TECTB: variants seen among roughly 807,000 people sequenced by gnomAD.
The protein encoded by TECTB is tectorin beta.
TECTB carries 45 observed loss-of-function variants against 43.3 expected under a neutral mutation model. The ratio of observed to expected loss-of-function variants is 1.04; its 90% confidence interval spans 0.82 to 1.33. TECTB has a LOEUF of 1.33. Ranked by LOEUF, TECTB falls within the 40% of genes most tolerant of loss-of-function variation. The pLI is 0.00. For synonymous variants in TECTB, 169 were observed against 156.7 expected (o/e 1.08, Z -0.59); for missense variants, 399 against 404.7 (o/e 0.99, Z 0.12).
intron 7 of TECTB, among the ~76,000 whole-genome samples, chr10:112,296,708 T>C (rs1482412556): frequency 6.6e-6 from 1 of 152,048 alleles, no homozygotes; most frequent in Non-Finnish European, 1.5e-5. Flanking sequence ...ACTCCCTCAC[T>C]CTCACACTTG....
At position 112,300,260 on chromosome 10, in the gene TECTB, A is replaced by G. The variant is rs1325226999; in HGVS notation, c.907+696A>G. ...AAAGAAAGAAAGAAAGAAAGAAAGA[A>G]AGAAAGAAAGAAAGAAAGAAAAGAA... On this transcript the variant is annotated intron_variant, in intron 9 of 10. Coordinates refer to ENST00000646139, the MANE Select transcript of TECTB (RefSeq NM_058222.3). Among the ~76,000 whole-genome samples the G allele has an allele frequency of 3.9e-3, 144 of 36,986 alleles. 10 individuals carry two copies. The South Asian group carries it at 0.12, about 31-fold the overall frequency. 24.3% of individuals were successfully genotyped at this position (36,986 alleles called of 152,430 possible).
chr10:112,299,424 T>C (rs1848576562), intron 8 of TECTB, 68 bp from the exon 9 acceptor site: 7 of 1,457,162 alleles, frequency 4.8e-6, no homozygotes, highest in Middle Eastern at 1.7e-4. Context: ...CTTTCTCTTT[T>C]CTCCCCTTTG....
chr10:112,302,362 A>C (rs1848619597), intron 10 of TECTB: 1 of 466,286 alleles, frequency 2.1e-6, no homozygotes, highest in Non-Finnish European at 3.7e-6. Context: ...ATGAAGCAGA[A>C]CTGGACCTCA....
In TECTB at chr10:112,303,336, C is replaced by T; in HGVS notation, c.*24C>T. ...AGGAGTTAGCCAGGCAGCTGCCGCT[C>T]CTCCACCCACAATAGTCCTCAGCGA... On this transcript the variant is annotated 3_prime_UTR_variant, in exon 11 of 11. Coordinates refer to ENST00000646139, the MANE Select transcript of TECTB (RefSeq NM_058222.3). 2 of 1,613,860 alleles carry T rather than the reference C, an allele frequency of 1.2e-6. No individual in the cohort carries two copies. Among genetic ancestry groups the T allele is most frequent in the Non-Finnish European group, 1.7e-6 (2 of 1,179,726 alleles).
chr10:112,288,516 C>T (rs112661646), intron 5 of TECTB, among the ~76,000 whole-genome samples: 1 of 152,104 alleles, frequency 6.6e-6, no homozygotes, highest in Non-Finnish European at 1.5e-5. Context: ...AGGGACTCTG[C>T]CATCCTGACA....
intron 5 of TECTB, among the ~76,000 whole-genome samples, chr10:112,287,938 A>G (rs1408740243): frequency 2.0e-5 from 3 of 152,220 alleles, no homozygotes; most frequent in African/African-American, 7.2e-5. Context: ...ACACACCACT[A>G]GTCGTTAAGT....
chr10:112,285,282 CAGAGCCTGT>C (rs2133346876), intron 3 of TECTB, among the ~76,000 whole-genome samples: 1 of 152,296 alleles, frequency 6.6e-6, no homozygotes, highest in Non-Finnish European at 1.5e-5. Context: ...TTCAGGGCCA[CAGAGCCTGT>C]AGGGATGGAA....
intron 5 of TECTB, among the ~76,000 whole-genome samples, chr10:112,291,952 C>T (rs569722451): frequency 2.6e-5 from 4 of 151,976 alleles, no homozygotes; most frequent in South Asian, 2.1e-4. Context: ...CTGGCTAACA[C>T]GGTGAAACCC....
intron 7 of TECTB, among the ~76,000 whole-genome samples, chr10:112,294,361 G>A (rs1848527279): frequency 6.6e-6 from 1 of 152,110 alleles, no homozygotes; most frequent in Non-Finnish European, 1.5e-5. Context: ...ACAAGAGAGG[G>A]TAAGGTCTCA....
chr10:112,296,850 A>T (rs1240884156), intron 7 of TECTB, among the ~76,000 whole-genome samples: 3 of 152,144 alleles, frequency 2.0e-5, no homozygotes, highest in Non-Finnish European at 4.4e-5. Context: ...CGAGTTTACC[A>T]TACAAGAAGA....
At chr10:112,287,968 G>A (rs778784646) in intron 5 of TECTB, among the ~76,000 whole-genome samples, 14 of 152,134 alleles carry the variant, frequency 9.2e-5, no homozygotes, top group East Asian at 7.7e-4. Flanking sequence ...GGGAATCCAC[G>A]TAGCCCTTGA....
chr10:112,287,076 C>G (rs978270770), intron 5 of TECTB, among the ~76,000 whole-genome samples: 1 of 152,218 alleles, frequency 6.6e-6, no homozygotes, highest in Non-Finnish European at 1.5e-5. Context: ...CTACAACCCC[C>G]TCCAGAGATT....
At chr10:112,293,629 G>A (rs1226700938) in intron 5 of TECTB, 109 bp from the exon 6 acceptor site, 1 of 915,076 alleles carries the variant, frequency 1.1e-6, no homozygotes, top group Non-Finnish European at 1.8e-6. Context: ...ACCTGCTTAT[G>A]TCTTTGGGTT....
At position 112,285,228 on chromosome 10, in the gene TECTB, A is replaced by G. The variant is rs367987437; in HGVS notation, c.267+503A>G. On this transcript the variant is annotated intron_variant, in intron 3 of 10. Coordinates refer to ENST00000646139, the MANE Select transcript of TECTB (RefSeq NM_058222.3). ...AACAGACGCCCTCTTACCAAGTATC[A>G]TATGACAGACGAGAAGTCTGAGACT... 2.6e-5 allele frequency among the ~76,000 whole-genome samples: 4 copies of G among 152,378 alleles called. No homozygotes were observed. The East Asian group carries it at 7.7e-4, about 29-fold the overall frequency.
At chr10:112,288,916 C>T (rs542804466) in intron 5 of TECTB, among the ~76,000 whole-genome samples, 4 of 152,278 alleles carry the variant, frequency 2.6e-5, no homozygotes, top group East Asian at 3.9e-4. Context: ...AGTTGGCTTA[C>T]GGAAATACCC....
At chr10:112,293,631 C>A in intron 5 of TECTB, 107 bp from the exon 6 acceptor site, 1 of 943,120 alleles carries the variant, frequency 1.1e-6, no homozygotes, top group Non-Finnish European at 1.7e-6. Context: ...CTGCTTATGT[C>A]TTTGGGTTGA....
Position 112,283,743 on chromosome 10 carries a change from G to C in TECTB, c.9G>C (p.Thr3=). 1 of 1,613,856 alleles carries C rather than the reference G, an allele frequency of 6.2e-7. No individual in the cohort carries two copies. Among genetic ancestry groups the C allele is most frequent in the Non-Finnish European group, 8.5e-7 (1 of 1,179,874 alleles). MV[T]KAFVLLAIFA... is the part of the protein sequence containing the mutation. ...CCAGGTTCTGAGAAGCAATGGTGAC[G>C]AAGGCCTTTGTCTTGTTGGCCATCT... Residue 3 remains threonine (T), a synonymous_variant, in exon 2 of 11, where the codon ACG becomes ACC. Transcript: ENST00000646139.
chr10:112,294,688 C>T (rs77712124), intron 7 of TECTB, among the ~76,000 whole-genome samples: 3,387 of 152,116 alleles, frequency 0.022, 126 homozygotes, highest in African/African-American at 0.079. Context: ...GGTTTAGAAA[C>T]GTGCATGGAA....
chr10:112,288,094 C>G (rs1050596485), intron 5 of TECTB, among the ~76,000 whole-genome samples: 1 of 152,182 alleles, frequency 6.6e-6, no homozygotes, highest in Admixed American at 6.5e-5. Context: ...TGCGCACTGA[C>G]AACAGTCTCA....
Sources: gnomAD v4.1 joint callset for allele counts (sites outside exome capture counted in the v4.1 genomes callset) on GRCh38, gnomAD v4.1.1 for gene constraint, MANE v1.5 for transcripts, NCBI Gene and HGNC (gene_info 2026-07-23, HGNC 2026-07-21) for gene names.